Variants in HS6ST3 observed in about 807,000 individuals in gnomAD.
HS6ST3 encodes heparan-sulfate 6-O-sulfotransferase 3.
Under a neutral mutation model 36.7 loss-of-function variants are expected in HS6ST3, and 12 were observed. The ratio of observed to expected loss-of-function variants is 0.33; its 90% CI spans 0.21 to 0.53. The LOEUF is 0.53. Ranked by LOEUF, HS6ST3 falls within the 20% of genes least tolerant of loss-of-function variation. The probability of loss-of-function intolerance (pLI) is 0.95; values close to 1 mark genes in which losing one functional copy is unlikely to be tolerated. For synonymous variants in HS6ST3, 240 were observed against 257.5 expected (o/e 0.93, Z 0.65); for missense variants, 584 against 640.9 (o/e 0.91, Z 0.96).
At chr13:96,208,935 C>T (rs895851399) in intron 1 of HS6ST3, among the ~76,000 whole-genome samples, 2 of 152,144 alleles carry the variant, frequency 1.3e-5, no homozygotes, top group African/African-American at 2.4e-5. Flanking sequence ...TTAGCAGGCA[C>T]CTTTTTTTGG....
Position 96,106,670 on chromosome 13 carries a change from C to T in HS6ST3, c.707+15101C>T, listed in dbSNP as rs138083726. Among the ~76,000 whole-genome samples, 121 of 152,264 alleles carry T rather than the reference C, an allele frequency of 7.9e-4. 1 individual carries two copies. Among genetic ancestry groups the T allele is most frequent in the African/African-American group, 2.6e-3 (108 of 41,548 alleles). ...CCCTTTTTAACCAAAATGAAGGCAG[C>T]GTATTTGAGTACAGATACAGGATGG... On this transcript the variant is annotated intron_variant, in intron 1 of 1. Coordinates refer to ENST00000376705, the MANE Select transcript of HS6ST3 (RefSeq NM_153456.4).
intron 1 of HS6ST3, among the ~76,000 whole-genome samples, chr13:96,737,041 A>T (rs1056590854): frequency 2.0e-5 from 3 of 152,182 alleles, no homozygotes; most frequent in African/African-American, 7.2e-5. Context: ...TATGAGGATA[A>T]AAACAGATTT....
At chr13:96,307,448 TG>T (rs2054919303) in intron 1 of HS6ST3, among the ~76,000 whole-genome samples, 1 of 152,168 alleles carries the variant, frequency 6.6e-6, no homozygotes, top group Non-Finnish European at 1.5e-5. Flanking sequence ...TAGGCAGTTT[TG>T]ATTTTTTAAA....
chr13:96,332,503 T>C (rs537362624), intron 1 of HS6ST3, among the ~76,000 whole-genome samples: 2 of 152,316 alleles, frequency 1.3e-5, no homozygotes, highest in East Asian at 3.9e-4. Context: ...TGGTTCTGTC[T>C]TCTGAGAATG....
chr13:96,502,942 G>A (rs751950465), intron 1 of HS6ST3, among the ~76,000 whole-genome samples: 38 of 152,234 alleles, frequency 2.5e-4, no homozygotes, highest in Middle Eastern at 6.8e-3. Context: ...ACTGGTGTGC[G>A]CTTCCATCTG....
At chr13:96,128,838 T>C (rs1366016531) in intron 1 of HS6ST3, among the ~76,000 whole-genome samples, 1 of 150,082 alleles carries the variant, frequency 6.7e-6, no homozygotes, top group Non-Finnish European at 1.5e-5. Flanking sequence ...ATCAAAGTAT[T>C]TTTTTTTCCC....
At chr13:96,123,789 A>G (rs940924210) in intron 1 of HS6ST3, among the ~76,000 whole-genome samples, 2 of 152,116 alleles carry the variant, frequency 1.3e-5, no homozygotes, top group Admixed American at 6.6e-5. Context: ...TCCAGCTACG[A>G]TTGCCTTTAT....
In HS6ST3 at chr13:96,563,574, A is replaced by G. The variant is rs138418701; in HGVS notation, c.708-268916A>G. ...AAATGTTTCAAGTTACTGTGAGGAA[A>G]AATCCCAAGTGTATAAGAAAGAGAA... On this transcript the variant is annotated intron_variant, in intron 1 of 1. Transcript: ENST00000376705. Among the ~76,000 whole-genome samples the G allele has an allele frequency of 1.8e-3, 271 of 152,318 alleles. 2 individuals are homozygous for G. Among genetic ancestry groups the G allele is most frequent in the African/African-American group, 6.4e-3 (266 of 41,570 alleles).
intron 1 of HS6ST3, among the ~76,000 whole-genome samples, chr13:96,762,952 G>A (rs1877005592): frequency 1.3e-5 from 2 of 152,038 alleles, no homozygotes; most frequent in South Asian, 2.1e-4. Context: ...AATTTCAGGA[G>A]CAATACAATA....
intron 1 of HS6ST3, among the ~76,000 whole-genome samples, chr13:96,519,474 A>ATCCATTTGTTTT (rs1391169490): frequency 3.9e-5 from 6 of 152,198 alleles, no homozygotes; most frequent in Non-Finnish European, 8.8e-5. Flanking sequence ...GAACAAATGG[A>ATCCATTTGTTTT]TGGGTGTTTC....
intron 1 of HS6ST3, among the ~76,000 whole-genome samples, chr13:96,418,440 T>G (rs1024689509): frequency 6.6e-6 from 1 of 152,194 alleles, no homozygotes; most frequent in African/African-American, 2.4e-5. Flanking sequence ...GTGCCTTCTG[T>G]CTTGCTCAGT....
intron 1 of HS6ST3, among the ~76,000 whole-genome samples, chr13:96,539,448 C>A (rs113206660): frequency 2.0e-5 from 3 of 151,946 alleles, no homozygotes; most frequent in African/African-American, 7.3e-5. Flanking sequence ...CTCTGCCTCT[C>A]GGGTTCAAGT....
intron 1 of HS6ST3, among the ~76,000 whole-genome samples, chr13:96,289,171 A>G (rs936255269): frequency 6.6e-6 from 1 of 152,138 alleles, no homozygotes. Context: ...CAAATAAGAG[A>G]ACTAATACTC....
intron 1 of HS6ST3, among the ~76,000 whole-genome samples, chr13:96,568,231 C>A (rs907545996): frequency 6.6e-6 from 1 of 152,142 alleles, no homozygotes; most frequent in Non-Finnish European, 1.5e-5. Context: ...GTGATATATT[C>A]ATACTTCAGT....
At chr13:96,719,668 G>A in intron 1 of HS6ST3, among the ~76,000 whole-genome samples, 1 of 152,158 alleles carries the variant, frequency 6.6e-6, no homozygotes, top group East Asian at 1.9e-4. Context: ...AGCTTTTTCG[G>A]TGAATCAGAT....
intron 1 of HS6ST3, among the ~76,000 whole-genome samples, chr13:96,114,570 G>A (rs2053885108): frequency 6.6e-6 from 1 of 152,088 alleles, no homozygotes; most frequent in Non-Finnish European, 1.5e-5. Flanking sequence ...CATTTTTTGT[G>A]CCTCTGTTTG....
At chr13:96,188,383 AGCT>A (rs2054274264) in intron 1 of HS6ST3, among the ~76,000 whole-genome samples, 1 of 152,162 alleles carries the variant, frequency 6.6e-6, no homozygotes, top group Non-Finnish European at 1.5e-5. Flanking sequence ...GGTAGGCCAA[AGCT>A]GGAGAATCTC....
At chr13:96,116,064 A>G (rs1219428693) in intron 1 of HS6ST3, among the ~76,000 whole-genome samples, 1 of 152,110 alleles carries the variant, frequency 6.6e-6, no homozygotes, top group African/African-American at 2.4e-5. Flanking sequence ...AGTGGTGTTT[A>G]TTTTTAAGGA....
intron 1 of HS6ST3, among the ~76,000 whole-genome samples, chr13:96,303,706 T>C (rs2054894596): frequency 6.6e-6 from 1 of 152,178 alleles, no homozygotes; most frequent in Admixed American, 6.5e-5. Flanking sequence ...AAGACGAAGG[T>C]AAAATATATG....
Sources: allele counts gnomAD v4.1 joint callset (sites outside exome capture counted in the v4.1 genomes callset), GRCh38; gene constraint gnomAD v4.1.1; transcripts MANE v1.5; gene names NCBI Gene and HGNC (gene_info 2026-07-23, HGNC 2026-07-21).